The following SV2C variants were observed in gnomAD, a reference collection of about 807,000 sequenced individuals.
The protein encoded by SV2C is solute carrier family 22 member B3.
SV2C carries 49 observed loss-of-function variants against 79.7 expected under a neutral mutation model. The observed-to-expected ratio is 0.61, with a 90% confidence interval of 0.49 to 0.78. The LOEUF (loss-of-function observed/expected upper bound fraction) is 0.78. Ranked by LOEUF, SV2C falls within the 30% of genes least tolerant of loss-of-function variation. The pLI is 0.00. For synonymous variants in SV2C, 334 were observed against 333.2 expected (o/e 1.00, Z -0.03); for missense variants, 833 against 912.9 (o/e 0.91, Z 1.13).
At chr5:75,910,570 C>A in the SV2C span, 1 of 688,090 alleles carries the variant, frequency 1.5e-6, no homozygotes, top group South Asian at 1.5e-5. Context: ...TCACCCAGTT[C>A]AGTGAGATTG....
chr5:75,887,585 C>T, the SV2C span, among the ~76,000 whole-genome samples: 1 of 152,072 alleles, frequency 6.6e-6, no homozygotes, highest in Non-Finnish European at 1.5e-5. Context: ...AATGCAGGTA[C>T]CTTAATAAGG....
In SV2C at chr5:76,093,592, A is replaced by T. The variant is rs1231629377; in HGVS notation, c.-102+10080A>T. Among the ~76,000 whole-genome samples the T allele has an allele frequency of 3.3e-5, 5 of 152,200 alleles. No homozygotes were observed. The East Asian group carries it at 9.6e-4, about 29-fold the overall frequency. On this transcript the variant is annotated intron_variant, in intron 1 of 12. Coordinates refer to ENST00000502798, the MANE Select transcript of SV2C (RefSeq NM_014979.4). Reference sequence around the variant, plus strand: ...GCACGGTCCTTTAGACCTGGGCCTTATTCTTCTTATCCTCCAAATATGAAC... The same window carrying T: ...GCACGGTCCTTTAGACCTGGGCCTTTTTCTTCTTATCCTCCAAATATGAAC...
chr5:76,151,181 G>C (rs187090021), intron 2 of SV2C, among the ~76,000 whole-genome samples: 260 of 152,340 alleles, frequency 1.7e-3, no homozygotes, highest in African/African-American at 5.9e-3. Flanking sequence ...TTGCAGAGAT[G>C]GAGCTGGGTA....
intron 1 of SV2C, among the ~76,000 whole-genome samples, chr5:76,084,730 C>A (rs1426634204): frequency 6.6e-6 from 1 of 151,892 alleles, no homozygotes; most frequent in Non-Finnish European, 1.5e-5. Flanking sequence ...ACGGAGTCTC[C>A]GTCTGGGAGC....
intron 12 of SV2C, among the ~76,000 whole-genome samples, chr5:76,311,784 G>A (rs900025394): frequency 6.6e-6 from 1 of 152,144 alleles, no homozygotes. Flanking sequence ...ATACTGGTGT[G>A]GGGGAGCTTC....
intron 2 of SV2C, among the ~76,000 whole-genome samples, chr5:76,135,892 C>T (rs943131535): frequency 8.5e-5 from 13 of 152,178 alleles, no homozygotes; most frequent in Admixed American, 2.6e-4. Flanking sequence ...CAGCTCAGCC[C>T]TACCCCGACT....
the SV2C span, among the ~76,000 whole-genome samples, chr5:75,994,501 T>G: frequency 4.6e-5 from 7 of 151,890 alleles, no homozygotes; most frequent in Admixed American, 1.3e-4. Flanking sequence ...AACAAGTAAC[T>G]GGACCTCAGA....
chr5:76,040,737 T>C, the SV2C span, among the ~76,000 whole-genome samples: 91 of 152,276 alleles, frequency 6.0e-4, no homozygotes, highest in Admixed American at 3.3e-3. Flanking sequence ...AGTCAGTTGA[T>C]AGTGATGAGA....
the SV2C span, among the ~76,000 whole-genome samples, chr5:75,849,493 G>T: frequency 6.6e-6 from 1 of 152,142 alleles, no homozygotes; most frequent in African/African-American, 2.4e-5. Context: ...CAACAGTGTG[G>T]TATACATTTG....
At chr5:75,975,123 A>C in the SV2C span, among the ~76,000 whole-genome samples, 14 of 152,198 alleles carry the variant, frequency 9.2e-5, no homozygotes, top group African/African-American at 3.4e-4. Flanking sequence ...ACCTTGACAT[A>C]GTACCACTGA....
At chr5:76,223,475 A>ACG (rs1745141383) in intron 4 of SV2C, among the ~76,000 whole-genome samples, 1 of 71,152 alleles carries the variant, frequency 1.4e-5, no homozygotes, top group South Asian at 3.9e-4. Context: ...ATATATATAT[A>ACG]TATATATATA....
chr5:76,171,633 G>C (rs1262326664), intron 2 of SV2C, among the ~76,000 whole-genome samples: 1 of 142,280 alleles, frequency 7.0e-6, no homozygotes, highest in African/African-American at 2.5e-5. Context: ...CCCCCCGCCC[G>C]GCCAGCCGCC....
chr5:76,174,023 T>G, intron 2 of SV2C: 1 of 1,566,638 alleles, frequency 6.4e-7, no homozygotes, highest in African/African-American at 1.4e-5. Context: ...ATCCAAGATT[T>G]CAAGCATACA....
the SV2C span, among the ~76,000 whole-genome samples, chr5:75,969,688 C>G: frequency 6.6e-6 from 1 of 152,082 alleles, no homozygotes; most frequent in African/African-American, 2.4e-5. Flanking sequence ...CCTGAGTGAC[C>G]TACAAAGAGA....
At chr5:75,903,362 A>C in the SV2C span, among the ~76,000 whole-genome samples, 2 of 143,284 alleles carry the variant, frequency 1.4e-5, no homozygotes, top group Non-Finnish European at 3.1e-5. Context: ...GTACCACAAA[A>C]AGGTGTTTTT....
At chr5:75,969,562 CAA>C in the SV2C span, among the ~76,000 whole-genome samples, 2 of 152,012 alleles carry the variant, frequency 1.3e-5, no homozygotes, top group Non-Finnish European at 2.9e-5. Flanking sequence ...CAACGAAGAT[CAA>C]AGAGACAAAG....
At chr5:76,091,454 C>G (rs1274371792) in intron 1 of SV2C, among the ~76,000 whole-genome samples, 1 of 152,234 alleles carries the variant, frequency 6.6e-6, no homozygotes, top group Non-Finnish European at 1.5e-5. Flanking sequence ...CAGCCTGCCT[C>G]TCACTGCCCA....
At chr5:76,138,849 C>T (rs55924035) in intron 2 of SV2C, among the ~76,000 whole-genome samples, 56,503 of 152,086 alleles carry the variant, frequency 0.37, 10,695 homozygotes, top group South Asian at 0.45. Flanking sequence ...CCGGGCACAG[C>T]GGCTCACGCC....
At chr5:76,240,913 T>G (rs117245447) in intron 4 of SV2C, among the ~76,000 whole-genome samples, 2 of 152,324 alleles carry the variant, frequency 1.3e-5, no homozygotes, top group East Asian at 3.9e-4. Flanking sequence ...TTATCATTGA[T>G]TAGATCCACT....
Sources: allele counts gnomAD v4.1 joint callset (sites outside exome capture counted in the v4.1 genomes callset), GRCh38; gene constraint gnomAD v4.1.1; transcripts MANE v1.5; gene names NCBI Gene and HGNC (gene_info 2026-07-23, HGNC 2026-07-21).